Variants in DCBLD2 observed in about 807,000 individuals in gnomAD.
DCBLD2 encodes discoidin, CUB and LCCL domain containing 2.
A neutral mutation model predicts 86.8 loss-of-function variants in DCBLD2; 54 were observed. The ratio of observed to expected loss-of-function variants is 0.62; its 90% CI spans 0.50 to 0.78. DCBLD2 has a LOEUF of 0.78. Ranked by LOEUF, DCBLD2 falls within the 30% of genes least tolerant of loss-of-function variation. DCBLD2 has a pLI of 0.00. For missense variants in DCBLD2, 908 were observed against 954.2 expected (o/e 0.95, Z 0.64); for synonymous variants, 354 against 341.3 (o/e 1.04, Z -0.41).
At chr3:98,843,880 C>A (rs1942667875) in intron 3 of DCBLD2, among the ~76,000 whole-genome samples, 1 of 152,102 alleles carries the variant, frequency 6.6e-6, no homozygotes, top group South Asian at 2.1e-4. Flanking sequence ...TTTACTATTT[C>A]TCCCGTCCAA....
chr3:98,799,292 CTA>C lies in DCBLD2; in HGVS notation c.*78_*79del, dbSNP rs1576150717. 1.5e-6 allele frequency: 2 copies of C among 1,342,270 alleles called. No homozygotes were observed. Among genetic ancestry groups the C allele is most frequent in the East Asian group, 4.7e-5 (2 of 42,836 alleles). 83.1% of individuals were successfully genotyped at this position (1,342,270 alleles called of 1,614,324 possible). On this transcript the variant is annotated 3_prime_UTR_variant, in exon 16 of 16. Coordinates refer to ENST00000326840, the MANE Select transcript of DCBLD2 (RefSeq NM_080927.4). ...TTCAGTGACAGTTATGTAATACATT[CTA>C]TATATTACTACCACTAATAATTAAA...
chr3:98,825,829 GT>G (rs939650918), intron 3 of DCBLD2, among the ~76,000 whole-genome samples: 11 of 151,926 alleles, frequency 7.2e-5, no homozygotes, highest in African/African-American at 2.7e-4. Flanking sequence ...GACAAAGAGA[GT>G]TAATTTTATG....
chr3:98,875,953 G>GA lies in DCBLD2; in HGVS notation c.433+5586dup, dbSNP rs1016175095. ...AAATGAAATCATATAATCCCACTAT[G>GA]AAAAAAATGGGTAAATTTATCTTTA... On this transcript the variant is annotated intron_variant, in intron 2 of 15. Coordinates refer to ENST00000326840, the MANE Select transcript of DCBLD2 (RefSeq NM_080927.4). Among the ~76,000 whole-genome samples the GA allele has an allele frequency of 6.8e-4, 104 of 151,956 alleles. 1 individual carries two copies. Among genetic ancestry groups the GA allele is most frequent in the Non-Finnish European group, 1.3e-4 (9 of 67,968 alleles).
Position 98,799,539 on chromosome 3 carries a change from T to C in DCBLD2, c.2161A>G (p.Arg721Gly). 1 of 1,613,976 alleles carries C rather than the reference T, an allele frequency of 6.2e-7. No individual in the cohort carries two copies. The change falls in exon 16 of 16, where the codon AGG (arginine) becomes GGG (glycine). Residue 721 changes from arginine (R) to glycine (G), a missense_variant. By Grantham distance (125) the Arg-to-Gly change is moderately radical. Around this residue, in one of 3 missense-constraint regions of DCBLD2, gnomAD observed 606 missense variants for 678.5 expected, o/e 0.89. Coordinates refer to ENST00000326840, the MANE Select transcript of DCBLD2 (RefSeq NM_080927.4). ...LVGTYNTLLSRTDSCSSAQAQ... is the reference protein window; with the variant it reads ...LVGTYNTLLSGTDSCSSAQAQ... ...TGGGCTGAGGAGCAGCTGTCAGTCC[T>C]GGAGAGAAGTGTATTGTAAGTTCCC...
intron 3 of DCBLD2, among the ~76,000 whole-genome samples, chr3:98,839,926 G>GGAGT (rs1369024200): frequency 6.6e-5 from 10 of 152,148 alleles, no homozygotes; most frequent in African/African-American, 2.4e-4. Flanking sequence ...AATCGGTGAG[G>GGAGT]GAGTGAGGTG....
intron 2 of DCBLD2, among the ~76,000 whole-genome samples, chr3:98,861,377 T>C (rs113974987): frequency 6.6e-5 from 10 of 152,168 alleles, no homozygotes; most frequent in African/African-American, 2.4e-4. Flanking sequence ...CAAGCAGACC[T>C]AACACACATC....
chr3:98,810,689 A>G (rs765710226), intron 12 of DCBLD2, among the ~76,000 whole-genome samples: 9 of 152,214 alleles, frequency 5.9e-5, no homozygotes, highest in Non-Finnish European at 1.3e-4. Context: ...CTTAAAAAAT[A>G]TAATTGCAAA....
At chr3:98,820,358 T>A in intron 6 of DCBLD2, 70 bp from the exon 7 acceptor site, 3 of 1,191,904 alleles carry the variant, frequency 2.5e-6, no homozygotes, top group Non-Finnish European at 3.3e-6. Context: ...AGTGAAACAT[T>A]TTCTTTTGAT....
chr3:98,900,061 G>T (rs1372360265), intron 1 of DCBLD2, among the ~76,000 whole-genome samples: 1 of 152,060 alleles, frequency 6.6e-6, no homozygotes, highest in Admixed American at 6.5e-5. Context: ...AGATGTAAGG[G>T]GTCAGTTTGC....
rs1392721143 is a variant in DCBLD2 at position 98,831,139 on chromosome 3, T to C, written c.572-5773A>G. 6.6e-5 allele frequency among the ~76,000 whole-genome samples: 10 copies of C among 151,946 alleles called. No individual in the cohort carries two copies. In the East Asian group the frequency reaches 1.9e-3, roughly 29 times the overall value. On this transcript the variant is annotated intron_variant, in intron 3 of 15. Transcript: ENST00000326840. ...TGGAGTGCAGTGCAGTGGTGTGATC[T>C]TGGCTCACTGCAACCTCCGCCTCCC... is the stretch of plus-strand genomic sequence containing the variant.
At chr3:98,862,783 T>G (rs917014283) in intron 2 of DCBLD2, among the ~76,000 whole-genome samples, 1 of 152,166 alleles carries the variant, frequency 6.6e-6, no homozygotes, top group African/African-American at 2.4e-5. Flanking sequence ...GGGCAAAAAC[T>G]GGAAGCATTC....
chr3:98,877,291 C>T (rs1165508228), intron 2 of DCBLD2, among the ~76,000 whole-genome samples: 1 of 152,104 alleles, frequency 6.6e-6, no homozygotes. Flanking sequence ...GAGTAAGAAC[C>T]AGCCTAAAGA....
At position 98,819,368 on chromosome 3, in the gene DCBLD2, T is replaced by C. The variant is rs1942077936; in HGVS notation, c.921A>G (p.Gln307=). ...ACTCCAGCACAGATGATGCTGTTAT[T>C]TGAGGATCCGCGATCACACCAGACT... is the stretch of plus-strand genomic sequence containing the variant. ...GMESGVIADP[Q]ITASSVLEWT... The change falls in exon 8 of 16, where the codon CAA becomes CAG. Residue 307 remains glutamine (Q), a synonymous_variant. Coordinates refer to ENST00000326840, the MANE Select transcript of DCBLD2 (RefSeq NM_080927.4). 26 of 1,613,668 alleles carry C rather than the reference T, an allele frequency of 1.6e-5. No homozygotes were observed. The highest frequency in any genetic ancestry group is 2.1e-5 in the Non-Finnish European group (25 of 1,179,764).
At position 98,839,770 on chromosome 3, in the gene DCBLD2, G is replaced by GA. The variant is rs1227884363; in HGVS notation, c.571+9690dup. Among the ~76,000 whole-genome samples the GA allele has an allele frequency of 3.3e-5, 5 of 152,052 alleles. No homozygotes were observed. In the East Asian group the frequency reaches 7.7e-4, roughly 23 times the overall value. ...GGGAGGTAAAAGACAATGTTAGTAA[G>GA]AAAAAAATACTGTGTTAGAATGTGT... is the stretch of plus-strand genomic sequence containing the variant. On this transcript the variant is annotated intron_variant, in intron 3 of 15. Transcript: ENST00000326840.
chr3:98,870,209 T>C (rs770185137), intron 2 of DCBLD2, among the ~76,000 whole-genome samples: 10 of 152,170 alleles, frequency 6.6e-5, no homozygotes, highest in African/African-American at 2.4e-4. Context: ...CTTTCCCCCA[T>C]TGTATGTTTC....
At chr3:98,836,949 G>A (rs1942474330) in intron 3 of DCBLD2, among the ~76,000 whole-genome samples, 1 of 98,104 alleles carries the variant, frequency 1.0e-5, no homozygotes, top group Admixed American at 9.0e-5. Flanking sequence ...TCCCGGACGG[G>A]GCGGCTGGCC....
At chr3:98,855,503 G>T (rs1049804890) in intron 2 of DCBLD2, among the ~76,000 whole-genome samples, 1 of 152,128 alleles carries the variant, frequency 6.6e-6, no homozygotes, top group Non-Finnish European at 1.5e-5. Context: ...ATAAAAAAGT[G>T]TCAGTTTTAC....
At chr3:98,867,672 C>G (rs1943178177) in intron 2 of DCBLD2, among the ~76,000 whole-genome samples, 1 of 152,066 alleles carries the variant, frequency 6.6e-6, no homozygotes, top group African/African-American at 2.4e-5. Flanking sequence ...GGTCACTGTA[C>G]AAAAACCAAA....
At chr3:98,828,523 C>T (rs574953377) in intron 3 of DCBLD2, among the ~76,000 whole-genome samples, 1 of 152,226 alleles carries the variant, frequency 6.6e-6, no homozygotes, top group African/African-American at 2.4e-5. Flanking sequence ...ACCATACACT[C>T]ACTAGGATGG....
Sources: gnomAD v4.1 joint callset for allele counts (sites outside exome capture counted in the v4.1 genomes callset) on GRCh38, gnomAD v4.1.1 for gene constraint, gnomAD v4.1.1 regional missense constraint, MANE v1.5 for transcripts, NCBI Gene and HGNC (gene_info 2026-07-23, HGNC 2026-07-21) for gene names.